The following GSE1 variants were observed in gnomAD, a reference collection of about 807,000 sequenced individuals.
GSE1 encodes genetic suppressor element 1.
In GSE1, 32 loss-of-function variants were observed where a neutral mutation model predicts 112.6. The observed-to-expected ratio is 0.28, with a 90% confidence interval of 0.21 to 0.38. The LOEUF (loss-of-function observed/expected upper bound fraction) is 0.38, where lower values mean the gene tolerates loss of function less well. Among genes scored for constraint, GSE1 ranks in the 10% least tolerant of loss-of-function variants. GSE1 has a pLI of 1.00. For synonymous variants in GSE1, 1,115 were observed against 735.6 expected (o/e 1.52, Z -8.35); for missense variants, 2,348 against 1,699.2 (o/e 1.38, Z -6.71).
intron 1 of GSE1, among the ~76,000 whole-genome samples, chr16:85,571,390 C>G (rs917261234): frequency 2.0e-5 from 3 of 152,264 alleles, no homozygotes; most frequent in African/African-American, 7.2e-5. Context: ...ATCACAGCAG[C>G]TCCATCTTGA....
chr16:85,486,880 T>C (rs1312614190), intron 2 of GSE1, among the ~76,000 whole-genome samples: 1 of 152,216 alleles, frequency 6.6e-6, no homozygotes, highest in Non-Finnish European at 1.5e-5. Flanking sequence ...GGGATGAGTT[T>C]AGCTGTTGCT....
intron 2 of GSE1, among the ~76,000 whole-genome samples, chr16:85,477,634 C>G (rs929562180): frequency 6.6e-6 from 1 of 150,792 alleles, no homozygotes; most frequent in African/African-American, 2.4e-5. Context: ...GATCTCGGCT[C>G]ACCGCAACCT....
chr16:85,420,534 G>A (rs1335240479), intron 2 of GSE1, among the ~76,000 whole-genome samples: 4 of 152,124 alleles, frequency 2.6e-5, no homozygotes, highest in Non-Finnish European at 4.4e-5. Flanking sequence ...TGGCACCATT[G>A]CTCTCTGGTC....
intron 1 of GSE1, among the ~76,000 whole-genome samples, chr16:85,335,053 A>G (rs924139662): frequency 1.3e-5 from 2 of 152,052 alleles, no homozygotes; most frequent in Non-Finnish European, 2.9e-5. Context: ...AGCGACAGTC[A>G]CCTGACCCTT....
At chr16:85,510,379 C>T (rs541882042) in intron 2 of GSE1, among the ~76,000 whole-genome samples, 13 of 147,036 alleles carry the variant, frequency 8.8e-5, no homozygotes, top group East Asian at 8.1e-4. Flanking sequence ...ACCGCTTCCC[C>T]GCAGCCCAGG....
rs966838024 is a variant in GSE1 at position 85,654,938 on chromosome 16, C to T, written c.744C>T (p.Ala248=). 2.5e-6 allele frequency: 4 copies of T among 1,610,706 alleles called. No homozygotes were observed. The East Asian group carries it at 6.7e-5, about 27-fold the overall frequency. ...GCCTGGACCCGGCCACTGCTGCAGC[C>T]TACTACCACCCCAGCTACCTGGCCC... is the stretch of plus-strand genomic sequence containing the variant. The part of the protein sequence containing the change: ...PLGLDPATAA[A]YYHPSYLAPH... Residue 248 remains alanine (A), a synonymous_variant, in exon 5 of 16, where the codon GCC becomes GCT. Coordinates refer to ENST00000253458, the MANE Select transcript of GSE1 (RefSeq NM_014615.5).
At chr16:85,237,101 G>T (rs11641586) in intron 1 of GSE1, among the ~76,000 whole-genome samples, 26,530 of 151,848 alleles carry the variant, frequency 0.17, 2,494 homozygotes, top group South Asian at 0.34. Flanking sequence ...CGAAGTGGGT[G>T]AATCACAAGG....
At chr16:85,180,422 G>T (rs1302301049) in intron 1 of GSE1, among the ~76,000 whole-genome samples, 3 of 152,174 alleles carry the variant, frequency 2.0e-5, no homozygotes, top group African/African-American at 7.2e-5. Context: ...GCACAGAAAG[G>T]GTATTTAGGT....
At chr16:85,482,632 A>G (rs1455133450) in intron 2 of GSE1, among the ~76,000 whole-genome samples, 2 of 152,180 alleles carry the variant, frequency 1.3e-5, no homozygotes, top group Non-Finnish European at 2.9e-5. Context: ...TTTTGCTTGT[A>G]TGTACAGATC....
chr16:85,445,164 G>A (rs940987013), intron 2 of GSE1, among the ~76,000 whole-genome samples: 2 of 152,194 alleles, frequency 1.3e-5, no homozygotes, highest in Admixed American at 6.5e-5. Flanking sequence ...ACTGGGCATC[G>A]GGGTGCCACA....
intron 1 of GSE1, among the ~76,000 whole-genome samples, chr16:85,224,841 A>G (rs1480432315): frequency 6.6e-6 from 1 of 151,990 alleles, no homozygotes; most frequent in Non-Finnish European, 1.5e-5. Flanking sequence ...TACAAAAAAA[A>G]AAAAAAAATT....
chr16:85,433,677 T>C (rs573734716), intron 2 of GSE1, among the ~76,000 whole-genome samples: 5 of 150,468 alleles, frequency 3.3e-5, no homozygotes, highest in Admixed American at 2.0e-4. Flanking sequence ...TTGCATGGGA[T>C]TGGATGAGCA....
At chr16:85,462,088 G>A (rs761847811) in intron 2 of GSE1, among the ~76,000 whole-genome samples, 46 of 152,324 alleles carry the variant, frequency 3.0e-4, no homozygotes, top group Non-Finnish European at 5.0e-4. Flanking sequence ...ACAGGGGCAG[G>A]GAGGCTGTGC....
At chr16:85,240,735 G>T (rs1382440015) in intron 1 of GSE1, among the ~76,000 whole-genome samples, 1 of 152,232 alleles carries the variant, frequency 6.6e-6, no homozygotes, top group African/African-American at 2.4e-5. Flanking sequence ...GTCCTGAGCA[G>T]AGTGACAGTT....
At chr16:85,458,558 G>A (rs1321379212) in intron 2 of GSE1, among the ~76,000 whole-genome samples, 1 of 152,226 alleles carries the variant, frequency 6.6e-6, no homozygotes, top group African/African-American at 2.4e-5. Flanking sequence ...AGGCCCAGGG[G>A]CCAGGGGAAT....
intron 2 of GSE1, among the ~76,000 whole-genome samples, chr16:85,641,552 A>T (rs915763224): frequency 5.9e-5 from 9 of 152,184 alleles, no homozygotes; most frequent in African/African-American, 2.2e-4. Context: ...TTCTCCCTGG[A>T]ACGCAGGGGG....
chr16:85,480,241 C>T (rs890185540), intron 2 of GSE1, among the ~76,000 whole-genome samples: 1 of 152,252 alleles, frequency 6.6e-6, no homozygotes, highest in Non-Finnish European at 1.5e-5. Flanking sequence ...GTGACCCTGA[C>T]ATTGTACCAC....
chr16:85,243,333 TCTCTTTG>T (rs1905308800), intron 1 of GSE1, among the ~76,000 whole-genome samples: 1 of 152,116 alleles, frequency 6.6e-6, no homozygotes, highest in African/African-American at 2.4e-5. Flanking sequence ...CAGGGGAGAA[TCTCTTTG>T]CTTCTAAAGG....
At chr16:85,626,834 G>A (rs1243911292) in intron 1 of GSE1, among the ~76,000 whole-genome samples, 2 of 152,004 alleles carry the variant, frequency 1.3e-5, no homozygotes, top group African/African-American at 4.8e-5. Context: ...CGTGGGGAGG[G>A]GGAGCGAGGA....
Sources: gnomAD v4.1 joint callset for allele counts (sites outside exome capture counted in the v4.1 genomes callset) on GRCh38, gnomAD v4.1.1 for gene constraint, MANE v1.5 for transcripts, NCBI Gene and HGNC (gene_info 2026-07-23, HGNC 2026-07-21) for gene names.